Variants in SPIRE1 observed in about 807,000 individuals in gnomAD.
SPIRE1 encodes spire type actin nucleation factor 1.
In SPIRE1, 40 loss-of-function variants were observed where a neutral mutation model predicts 94.1. The observed-to-expected ratio is 0.43, with a 90% CI of 0.33 to 0.55. The LOEUF (loss-of-function observed/expected upper bound fraction) is 0.55, where lower values mean the gene tolerates loss of function less well. Among genes scored for constraint, SPIRE1 ranks in the 20% least tolerant of loss-of-function variants. The pLI, the probability that SPIRE1 is intolerant of heterozygous loss-of-function variation, is 0.06. For synonymous variants in SPIRE1, 376 were observed against 371.7 expected, an observed-to-expected ratio of 1.01 and a Z score of -0.13; for missense variants, 838 against 975.2, an observed-to-expected ratio of 0.86 and a Z score of 1.87.
intron 3 of SPIRE1, among the ~76,000 whole-genome samples, chr18:12,546,157 T>A (rs2035160496): frequency 6.6e-6 from 1 of 151,738 alleles, no homozygotes; most frequent in South Asian, 2.1e-4. Context: ...GCCCAGCTAA[T>A]TTTTTGTATT....
At chr18:12,469,787 A>C (rs1382511047) in intron 10 of SPIRE1, among the ~76,000 whole-genome samples, 1 of 147,620 alleles carries the variant, frequency 6.8e-6, no homozygotes, top group Non-Finnish European at 1.5e-5. Context: ...ACGAGGTCTC[A>C]TGAGACTCTT....
chr18:12,558,123 C>T lies in SPIRE1; in HGVS notation c.373-11219G>A, dbSNP rs147076154. 3.2e-3 allele frequency among the ~76,000 whole-genome samples: 480 copies of T among 152,274 alleles called. 1 individual carries two copies. The highest frequency in any genetic ancestry group is 4.4e-3 in the Non-Finnish European group (300 of 68,024). ...GTCTCACTGACTTCAAGAATGAAGC[C>T]GCGGACCCTTGCAGTGTTCCAGTTC... On this transcript the variant is annotated intron_variant, in intron 2 of 16. Transcript: ENST00000409402.
At chr18:12,658,129 C>CCGCCT (rs979107023), upstream of SPIRE1, 161 of 951,480 alleles carry the variant, frequency 1.7e-4, no homozygotes, top group East Asian at 9.0e-4. Context: ...CCGCCCCGCC[C>CCGCCT]CGCCTCGCGC....
At chr18:12,494,254 T>C (rs567747336) in intron 7 of SPIRE1, among the ~76,000 whole-genome samples, 9 of 152,270 alleles carry the variant, frequency 5.9e-5, no homozygotes, top group African/African-American at 2.2e-4. Context: ...TAACATTTTT[T>C]AGTAACCACC....
chr18:12,586,778 T>G (rs1007653601), intron 2 of SPIRE1, among the ~76,000 whole-genome samples: 2 of 152,198 alleles, frequency 1.3e-5, no homozygotes, highest in Non-Finnish European at 2.9e-5. Flanking sequence ...GCATGGTAAC[T>G]CTAAGCTCTG....
At position 12,546,779 on chromosome 18, in the gene SPIRE1, A is replaced by G. The variant is rs148239672; in HGVS notation, c.498T>C (p.Ala166=). Residue 166 remains alanine, a synonymous_variant, in exon 3 of 17, where the codon GCT becomes GCC. Coordinates refer to ENST00000409402, the MANE Select transcript of SPIRE1 (RefSeq NM_001128626.2). The part of the protein sequence containing the change: ...LIDHMANTVE[A]DGSNDEGYEA... ...CATAGCCCTCATCATTGCTACCGTCAGCTTCCACCGTGTTGGCCATGTGAT... is the reference window on the plus strand; with the variant it reads ...CATAGCCCTCATCATTGCTACCGTCGGCTTCCACCGTGTTGGCCATGTGAT... 4,997 of 1,613,898 alleles carry G rather than the reference A, an allele frequency of 3.1e-3. 8 individuals carry two copies. The highest frequency in any genetic ancestry group is 3.9e-3 in the Non-Finnish European group (4,632 of 1,179,978).
At chr18:12,612,410 G>A (rs567276048) in intron 2 of SPIRE1, among the ~76,000 whole-genome samples, 2 of 152,146 alleles carry the variant, frequency 1.3e-5, no homozygotes, top group East Asian at 3.9e-4. Context: ...GCTGGAGTGC[G>A]CCAGGGCTCA....
intron 8 of SPIRE1, among the ~76,000 whole-genome samples, chr18:12,491,962 A>C (rs1205145427): frequency 6.6e-6 from 1 of 152,220 alleles, no homozygotes; most frequent in Non-Finnish European, 1.5e-5. Flanking sequence ...AGGTTTCTAC[A>C]TTGGGAAAAC....
At chr18:12,545,381 C>A (rs1343437579) in intron 3 of SPIRE1, among the ~76,000 whole-genome samples, 2 of 152,062 alleles carry the variant, frequency 1.3e-5, no homozygotes. Flanking sequence ...GAGAGTTGTA[C>A]CATCTAAGGA....
intron 5 of SPIRE1, among the ~76,000 whole-genome samples, chr18:12,509,963 T>G (rs993058930): frequency 1.3e-5 from 2 of 151,822 alleles, no homozygotes; most frequent in Non-Finnish European, 2.9e-5. Context: ...TGCGCACCTG[T>G]AATCCCAGCT....
upstream of SPIRE1, chr18:12,661,729 T>C (rs1203634080): frequency 6.5e-6 from 1 of 152,706 alleles, no homozygotes; most frequent in East Asian, 1.9e-4. Context: ...GAGCCAAGAT[T>C]GTACCACTGC....
chr18:12,615,496 C>T (rs185591124), intron 2 of SPIRE1, among the ~76,000 whole-genome samples: 2,428 of 139,254 alleles, frequency 0.017, 83 homozygotes, highest in African/African-American at 0.059. Flanking sequence ...GCCAAGATCT[C>T]ACCACTGAAC....
At chr18:12,615,345 A>AAAAAATATATAT in intron 2 of SPIRE1, among the ~76,000 whole-genome samples, 6 of 17,244 alleles carry the variant, frequency 3.5e-4, no homozygotes, top group Non-Finnish European at 9.3e-4. Context: ...AAAAAAAAAA[A>AAAAAATATATAT]ATATATATAT....
chr18:12,623,472 C>T (rs2037534539), intron 2 of SPIRE1, among the ~76,000 whole-genome samples: 1 of 151,958 alleles, frequency 6.6e-6, no homozygotes, highest in Admixed American at 6.6e-5. Flanking sequence ...TCTACAAATG[C>T]TACAAATGAA....
At chr18:12,485,546 T>C (rs552438044) in intron 9 of SPIRE1, among the ~76,000 whole-genome samples, 9 of 152,226 alleles carry the variant, frequency 5.9e-5, no homozygotes, top group Non-Finnish European at 1.0e-4. Context: ...TTTAGTTACT[T>C]AAATAACTGA....
chr18:12,662,081 G>T, upstream of SPIRE1: 1 of 416,184 alleles, frequency 2.4e-6, no homozygotes, highest in South Asian at 1.8e-5. Flanking sequence ...TGGCTGTGCT[G>T]CTCTGAGTCT....
intron 2 of SPIRE1, among the ~76,000 whole-genome samples, chr18:12,622,909 T>C (rs1415866847): frequency 6.6e-6 from 1 of 152,238 alleles, no homozygotes; most frequent in South Asian, 2.1e-4. Flanking sequence ...CCACTGGATT[T>C]ACCTAAATCC....
At chr18:12,592,734 T>A (rs538405217) in intron 2 of SPIRE1, among the ~76,000 whole-genome samples, 1 of 152,358 alleles carries the variant, frequency 6.6e-6, no homozygotes, top group Non-Finnish European at 1.5e-5. Context: ...CGACAAAGCA[T>A]CTGAAAAAGC....
intron 4 of SPIRE1, among the ~76,000 whole-genome samples, chr18:12,531,946 G>T (rs1304111462): frequency 6.6e-6 from 1 of 152,194 alleles, no homozygotes; most frequent in Non-Finnish European, 1.5e-5. Context: ...GCAGGGCAGG[G>T]TGGCTCTTCT....
Sources: gnomAD v4.1 joint callset for allele counts (sites outside exome capture counted in the v4.1 genomes callset) on GRCh38, gnomAD v4.1.1 for gene constraint, MANE v1.5 for transcripts, NCBI Gene and HGNC (gene_info 2026-07-23, HGNC 2026-07-21) for gene names.